The following RBMS3 variants were observed in gnomAD, a reference collection of about 807,000 sequenced individuals.
RBMS3 encodes RNA binding motif single stranded interacting protein 3, also known as RNA-binding motif, single-stranded-interacting protein 3.
Under a neutral mutation model 66.8 loss-of-function variants are expected in RBMS3, and 27 were observed. The ratio of observed to expected loss-of-function variants is 0.40; its 90% CI spans 0.30 to 0.56. The LOEUF is 0.56. Ranked by LOEUF, RBMS3 falls within the 20% of genes least tolerant of loss-of-function variation. The pLI, the probability that RBMS3 is intolerant of heterozygous loss-of-function variation, is 0.40. For missense variants in RBMS3, 513 were observed against 549.5 expected, an observed-to-expected ratio of 0.93 and a Z score of 0.66; for synonymous variants, 188 against 183.0, an observed-to-expected ratio of 1.03 and a Z score of -0.22.
rs140495031 is a variant in RBMS3, at chr3:29,534,959, C to T, written c.307+46460C>T. 5.0e-3 allele frequency among the ~76,000 whole-genome samples: 755 copies of T among 149,858 alleles called. 5 individuals carry two copies. The highest frequency in any genetic ancestry group is 0.01 in the Middle Eastern group (3 of 292). On this transcript the variant is annotated intron_variant, in intron 3 of 14. Transcript: ENST00000383767. ...ACAAATTGAGAAAAGAAAAAAAAAACACAGTCAACAATAGGATATATGGTA... is the reference window on the plus strand; with the variant it reads ...ACAAATTGAGAAAAGAAAAAAAAAATACAGTCAACAATAGGATATATGGTA...
intron 5 of RBMS3, among the ~76,000 whole-genome samples, chr3:29,758,074 T>G (rs2149376072): frequency 6.6e-6 from 1 of 152,272 alleles, no homozygotes; most frequent in African/African-American, 2.4e-5. Context: ...TTTTCATGGG[T>G]TTTGGGAGAG....
rs182549916 is a variant in RBMS3 at position 29,988,121 on chromosome 3, A to T, written c.1099-22A>T. The T allele has an allele frequency of 3.8e-6, 6 of 1,578,614 alleles. No homozygotes were observed. The African/African-American group carries it at 8.1e-5, about 21-fold the overall frequency. On this transcript the variant is annotated intron_variant, in intron 12 of 14. Transcript: ENST00000383767. ...TGGTTGCAGCTCAAAGTTCACATGC[A>T]TTTTTCTTTGATTCTCTCTAGTATA...
At chr3:29,384,829 G>C (rs534777072) in intron 1 of RBMS3, among the ~76,000 whole-genome samples, 20 of 152,286 alleles carry the variant, frequency 1.3e-4, no homozygotes, top group African/African-American at 4.6e-4. Flanking sequence ...AGTGTTGTGA[G>C]CGGGGAAGAG....
At chr3:29,939,567 A>C (rs2061343346) in intron 11 of RBMS3, among the ~76,000 whole-genome samples, 1 of 151,856 alleles carries the variant, frequency 6.6e-6, no homozygotes, top group Admixed American at 6.6e-5. Flanking sequence ...TTTTGATTTG[A>C]AATTTCTCCA....
chr3:29,482,701 CTTTTTTTT>C (rs755520785), intron 2 of RBMS3, among the ~76,000 whole-genome samples: 1,051 of 77,496 alleles, frequency 0.014, 23 homozygotes, highest in African/African-American at 0.051. Flanking sequence ...TTCTTTCTTT[CTTTTTTTT>C]TTTTTTTTTT....
At chr3:29,351,019 C>T (rs1459324769) in intron 1 of RBMS3, among the ~76,000 whole-genome samples, 1 of 151,866 alleles carries the variant, frequency 6.6e-6, no homozygotes, top group Non-Finnish European at 1.5e-5. Flanking sequence ...TATATATTTG[C>T]ACATATATAA....
At chr3:29,581,377 A>G in intron 3 of RBMS3, among the ~76,000 whole-genome samples, 1 of 152,188 alleles carries the variant, frequency 6.6e-6, no homozygotes, top group East Asian at 1.9e-4. Flanking sequence ...TTAGGGATAC[A>G]GTAGAAATAC....
chr3:29,694,746 A>G (rs2052185762), intron 4 of RBMS3, among the ~76,000 whole-genome samples: 1 of 152,156 alleles, frequency 6.6e-6, no homozygotes, highest in Non-Finnish European at 1.5e-5. Flanking sequence ...GTTGTGGCTA[A>G]AGAGGAGGAA....
In RBMS3 at chr3:29,870,149, T is replaced by C. The variant is rs1477943817; in HGVS notation, c.744+1185T>C. Among the ~76,000 whole-genome samples the C allele has an allele frequency of 4.6e-5, 7 of 152,136 alleles. No individual in the cohort carries two copies. The East Asian group carries it at 1.2e-3, about 25-fold the overall frequency. ...AAAAAGATAAAGAGTTTTAATATTC[T>C]CAACTTTAGAAAGGCAGTGGGTATT... is the stretch of plus-strand genomic sequence containing the variant. On this transcript the variant is annotated intron_variant, in intron 7 of 14. Transcript: ENST00000383767.
At chr3:29,506,520 G>T (rs954046703) in intron 3 of RBMS3, among the ~76,000 whole-genome samples, 3 of 151,950 alleles carry the variant, frequency 2.0e-5, no homozygotes, top group East Asian at 3.9e-4. Flanking sequence ...GTTCATCAGG[G>T]ATATTCGCCT....
At chr3:29,815,906 G>A (rs115431447) in intron 6 of RBMS3, among the ~76,000 whole-genome samples, 3,449 of 148,938 alleles carry the variant, frequency 0.023, 58 homozygotes, top group Admixed American at 0.033. Context: ...CCATGTAACC[G>A]AAAAGCACCT....
At chr3:29,923,339 A>T (rs2060843870) in intron 10 of RBMS3, among the ~76,000 whole-genome samples, 1 of 152,188 alleles carries the variant, frequency 6.6e-6, no homozygotes, top group Non-Finnish European at 1.5e-5. Context: ...GGGATAGATG[A>T]TATAAAACAT....
At chr3:29,880,902 C>G in intron 7 of RBMS3, 1 of 1,357,460 alleles carries the variant, frequency 7.4e-7, no homozygotes, top group Non-Finnish European at 1.0e-6. Context: ...CCCAAGGTAC[C>G]TACTCTAGTT....
At chr3:29,581,357 A>C (rs1456702877) in intron 3 of RBMS3, among the ~76,000 whole-genome samples, 1 of 152,206 alleles carries the variant, frequency 6.6e-6, no homozygotes, top group Non-Finnish European at 1.5e-5. Flanking sequence ...GTCAGCAATA[A>C]CTGAATAGTT....
At chr3:29,770,074 C>A (rs888019293) in intron 6 of RBMS3, among the ~76,000 whole-genome samples, 3 of 151,814 alleles carry the variant, frequency 2.0e-5, no homozygotes, top group Admixed American at 6.6e-5. Flanking sequence ...AGAACTCATT[C>A]TTGAACAGTG....
chr3:29,741,727 C>T (rs78639257), intron 5 of RBMS3, among the ~76,000 whole-genome samples: 1 of 152,308 alleles, frequency 6.6e-6, no homozygotes, highest in Non-Finnish European at 1.5e-5. Flanking sequence ...GCTCATACAA[C>T]ATGAATTTAT....
chr3:29,808,605 A>G (rs2057630478), intron 6 of RBMS3, among the ~76,000 whole-genome samples: 1 of 152,026 alleles, frequency 6.6e-6, no homozygotes, highest in African/African-American at 2.4e-5. Flanking sequence ...AAAGCACCCA[A>G]GAATGCTACT....
At chr3:29,505,337 C>T (rs1163094322) in intron 3 of RBMS3, among the ~76,000 whole-genome samples, 2 of 151,760 alleles carry the variant, frequency 1.3e-5, no homozygotes. Context: ...TGTGTATTCT[C>T]AGTACCTTTG....
chr3:29,634,966 G>T (rs1407710150), intron 4 of RBMS3, among the ~76,000 whole-genome samples: 1 of 151,872 alleles, frequency 6.6e-6, no homozygotes, highest in African/African-American at 2.4e-5. Flanking sequence ...GCATTCTGCA[G>T]AAGTACTCTA....
Sources: gnomAD v4.1 joint callset for allele counts (sites outside exome capture counted in the v4.1 genomes callset) on GRCh38, gnomAD v4.1.1 for gene constraint, MANE v1.5 for transcripts, NCBI Gene and HGNC (gene_info 2026-07-23, HGNC 2026-07-21) for gene names.